The following SAA2 variants were observed in gnomAD, a reference collection of about 807,000 sequenced individuals.
SAA2 encodes serum amyloid A2.
In SAA2, 5 loss-of-function variants were observed where a neutral mutation model predicts 9.1. The ratio of observed to expected loss-of-function variants is 0.55; its 90% confidence interval spans 0.29 to 1.16. The LOEUF (loss-of-function observed/expected upper bound fraction) is 1.16. Ranked by LOEUF, SAA2 falls within the 50% of genes most tolerant of loss-of-function variation. The probability of loss-of-function intolerance (pLI) is 0.09; values close to 1 mark genes in which losing one functional copy is unlikely to be tolerated. For synonymous variants in SAA2, 49 were observed against 59.8 expected, an observed-to-expected ratio of 0.82 and a Z score of 0.83; for missense variants, 94 against 153.8, an observed-to-expected ratio of 0.61 and a Z score of 2.06.
Position 18,245,264 on chromosome 11 carries a change from A to T in SAA2, c.*113T>A. 1 of 1,521,586 alleles carries T rather than the reference A, an allele frequency of 6.6e-7. No homozygotes were observed. The highest frequency in any genetic ancestry group is 8.8e-7 in the Non-Finnish European group (1 of 1,134,246). The allele number at this position is 1,521,586 out of a possible 1,614,324, so 94.3% of individuals were successfully genotyped here. On this transcript the variant is annotated 3_prime_UTR_variant, in exon 4 of 4. Transcript: ENST00000256733. ...ATTCCACCTCTTAAGCATTTATTAGATGCCTATTATATGCCATATCTCAGC... is the reference window on the plus strand; with the variant it reads ...ATTCCACCTCTTAAGCATTTATTAGTTGCCTATTATATGCCATATCTCAGC...
Position 18,247,914 on chromosome 11 carries a change from G to A in SAA2, c.91+7C>T, listed in dbSNP as rs1322375081. 3 of 1,613,798 alleles carry A rather than the reference G, an allele frequency of 1.9e-6. No individual in the cohort carries two copies. Among genetic ancestry groups the A allele is most frequent in the African/African-American group, 1.3e-5 (1 of 74,890 alleles). On this transcript the variant is annotated splice_region_variant and intron_variant, in intron 2 of 3. Coordinates refer to ENST00000256733, the MANE Select transcript of SAA2 (RefSeq NM_030754.5). ...TCAGAAATCCTGCAAACCTTCTGAA[G>A]CCTTACCATCAAAAGCCTCGCCAAG...
At chr11:18,242,865 A>C, downstream of SAA2, 1 of 699,522 alleles carries the variant, frequency 1.4e-6, no homozygotes, top group Non-Finnish European at 2.6e-6. Context: ...AAACAAAACA[A>C]AACACAACTA....
chr11:18,240,570 A>G (rs1857319026), downstream of SAA2, among the ~76,000 whole-genome samples: 1 of 152,156 alleles, frequency 6.6e-6, no homozygotes, highest in Non-Finnish European at 1.5e-5. Context: ...CAAAAATAAA[A>G]CCCCATACAT....
downstream of SAA2, among the ~76,000 whole-genome samples, chr11:18,244,536 A>T (rs948045075): frequency 6.6e-6 from 1 of 152,216 alleles, no homozygotes; most frequent in Non-Finnish European, 1.5e-5. Context: ...TTAGAAGTTA[A>T]TGCTGCTCTC....
exon 4 of SAA2, chr11:18,239,446 G>A (rs1857281138): frequency 5.5e-6 from 2 of 362,838 alleles, no homozygotes; most frequent in Non-Finnish European, 9.8e-6. Flanking sequence ...CTTGTCTGTG[G>A]TGTTTTGATT....
Position 18,245,437 on chromosome 11 carries a change from C to A in SAA2, c.309G>T (p.Trp103Cys). ...GATTGGGGTCTCTGCCACTCCTGCC[C>A]CATTTATTGGCAGCCTGATCGGCCA... Reference protein sequence around the residue: ...DSLADQAANKWGRSGRDPNHF... With the variant: ...DSLADQAANKCGRSGRDPNHF... The change falls in exon 4 of 4, where the codon TGG becomes TGT. Residue 103 changes from tryptophan (W) to cysteine (C), a missense_variant. By Grantham distance (215) the Trp-to-Cys change is radical (BLOSUM62 -2). Transcript: ENST00000256733. 1.2e-6 allele frequency: 2 copies of A among 1,614,226 alleles called. No individual in the cohort carries two copies. Among genetic ancestry groups the A allele is most frequent in the Middle Eastern group, 3.3e-4 (2 of 6,062 alleles).
chr11:18,245,397 C>T lies in SAA2; in HGVS notation c.349G>A (p.Gly117Ser), dbSNP rs11540206. 4 of 1,614,120 alleles carry T rather than the reference C, an allele frequency of 2.5e-6. No homozygotes were observed. The highest frequency in any genetic ancestry group is 3.4e-6 in the Non-Finnish European group (4 of 1,180,052). ...GRDPNHFRPA[G>S]LPEKY ...GAAGCTCAGTATTTCTCAGGCAGGC[C>T]AGCAGGTCGGAAGTGATTGGGGTCT... is the stretch of plus-strand genomic sequence containing the variant. The change falls in exon 4 of 4, where the codon GGC (glycine) becomes AGC (serine). Residue 117 changes from glycine (G) to serine (S), a missense_variant. Physicochemically the swap from Gly to Ser is moderately conservative, Grantham distance 56. Transcript: ENST00000256733.
At chr11:18,246,413 G>A (rs1857538388) in intron 2 of SAA2, among the ~76,000 whole-genome samples, 1 of 152,226 alleles carries the variant, frequency 6.6e-6, no homozygotes, top group Non-Finnish European at 1.5e-5. Flanking sequence ...TGTGACCTGA[G>A]TTCCAGTGAC....
Position 18,248,656 on chromosome 11 carries a change from T to C in SAA2, c.-58A>G, listed in dbSNP as rs1857685262. The stretch of plus-strand genomic sequence containing the variant: ...TCCCTGTCTGCCAGGGAGAGGTGGC[T>C]GCTATTTATAGTGAGCCTTGCTGGT... On this transcript the variant is annotated 5_prime_UTR_variant, in exon 1 of 4. Transcript: ENST00000256733. 6.5e-6 allele frequency: 1 copy of C among 153,278 alleles called. No homozygotes were observed. The highest frequency in any genetic ancestry group is 2.4e-5 in the African/African-American group (1 of 41,472). 9.5% of individuals were successfully genotyped at this position (153,278 alleles called of 1,614,324 possible).
rs771574077 is a variant in SAA2 at position 18,245,431 on chromosome 11, C to G, written c.315G>C (p.Arg105Ser). 1 of 1,614,248 alleles carries G rather than the reference C, an allele frequency of 6.2e-7. No homozygotes were observed. The highest frequency in any genetic ancestry group is 8.5e-7 in the Non-Finnish European group (1 of 1,180,048). Reference sequence around the variant, plus strand: ...GGAAGTGATTGGGGTCTCTGCCACTCCTGCCCCATTTATTGGCAGCCTGAT... The same window carrying G: ...GGAAGTGATTGGGGTCTCTGCCACTGCTGCCCCATTTATTGGCAGCCTGAT... The part of the protein sequence containing the change: ...LADQAANKWG[R>S]SGRDPNHFRP... Residue 105 changes from arginine to serine, a missense_variant, in exon 4 of 4, where the codon AGG becomes AGC. Arg to Ser is a moderately radical substitution (Grantham distance 110). This residue lies in a region of SAA2 where 62 missense variants were observed against 58.3 expected (regional missense o/e 1.06). Transcript: ENST00000256733.
Position 18,248,148 on chromosome 11 carries a change from T to C in SAA2, c.-4-133A>G, listed in dbSNP as rs1857659486. On this transcript the variant is annotated intron_variant, in intron 1 of 3. Transcript: ENST00000256733. ...TCTCAGTGGCTCATCTAGGAAACCT[T>C]GCAGCAGGACCTCACTCAGAGCCAG... 4 of 949,358 alleles carry C rather than the reference T, an allele frequency of 4.2e-6. No individual in the cohort carries two copies. In the East Asian group the frequency reaches 1.1e-4, roughly 26 times the overall value. 58.8% of individuals were successfully genotyped at this position (949,358 alleles called of 1,614,324 possible).
chr11:18,242,604 G>A (rs559547442), downstream of SAA2: 121 of 559,634 alleles, frequency 2.2e-4, 1 homozygote, highest in African/African-American at 2.2e-3. Context: ...CCAGCACTTT[G>A]GGAGGCTGAG....
chr11:18,248,297 C>A (rs898308140), intron 1 of SAA2: 4 of 350,118 alleles, frequency 1.1e-5, no homozygotes, highest in African/African-American at 8.3e-5. Flanking sequence ...GCCTATAATT[C>A]CCCATAACGC....
intron 2 of SAA2, 54 bp from the exon 3 acceptor site, chr11:18,246,102 C>T (rs1266115241): frequency 1.3e-6 from 2 of 1,564,400 alleles, no homozygotes; most frequent in African/African-American, 2.7e-5. Context: ...AAGACTCCAA[C>T]AACACCTTAG....
downstream of SAA2, among the ~76,000 whole-genome samples, chr11:18,244,037 T>C (rs188374775): frequency 1.5e-3 from 232 of 152,350 alleles, 6 homozygotes; most frequent in Admixed American, 0.015. Flanking sequence ...TCTTCTCCTG[T>C]ACAGGACAAC....
chr11:18,239,718 C>T (rs1857288518), exon 4 of SAA2: 1 of 463,098 alleles, frequency 2.2e-6, no homozygotes, highest in Non-Finnish European at 3.8e-6. Flanking sequence ...GTCTGTTTTG[C>T]TGTATCCAGC....
Position 18,245,438 on chromosome 11 carries a change from C to A in SAA2, c.308G>T (p.Trp103Leu), listed in dbSNP as rs775863881. 6.2e-7 allele frequency: 1 copy of A among 1,614,222 alleles called. No homozygotes were observed. The highest frequency in any genetic ancestry group is 1.1e-5 in the South Asian group (1 of 91,084). Residue 103 changes from tryptophan (W) to leucine (L), a missense_variant, in exon 4 of 4, where the codon TGG becomes TTG. Physicochemically the swap from Trp to Leu is moderately conservative, Grantham distance 61. Around this residue, in one of 2 missense-constraint regions of SAA2, gnomAD observed 62 missense variants for 58.3 expected, o/e 1.06. Transcript: ENST00000256733. ...ATTGGGGTCTCTGCCACTCCTGCCCCATTTATTGGCAGCCTGATCGGCCAG... is the reference window on the plus strand; with the variant it reads ...ATTGGGGTCTCTGCCACTCCTGCCCAATTTATTGGCAGCCTGATCGGCCAG... Reference protein sequence around the residue: ...DSLADQAANKWGRSGRDPNHF... With the variant: ...DSLADQAANKLGRSGRDPNHF...
exon 4 of SAA2, chr11:18,239,448 G>A (rs1210718647): frequency 2.7e-6 from 1 of 364,560 alleles, no homozygotes; most frequent in Non-Finnish European, 4.9e-6. Context: ...TGTCTGTGGT[G>A]TTTTGATTGA....
rs201754054 is a variant in SAA2 at position 18,245,418 on chromosome 11, G to T, written c.328C>A (p.Pro110Thr). 4.3e-6 allele frequency: 7 copies of T among 1,614,224 alleles called. No homozygotes were observed. The Admixed American group carries it at 8.3e-5, about 19-fold the overall frequency. The change falls in exon 4 of 4, where the codon CCC becomes ACC. Residue 110 changes from proline to threonine, a missense_variant. Pro to Thr is a conservative substitution (Grantham distance 38). This residue lies in a region of SAA2 where 62 missense variants were observed against 58.3 expected (regional missense o/e 1.06). Transcript: ENST00000256733. The part of the protein sequence containing the change: ...ANKWGRSGRD[P>T]NHFRPAGLPE... Reference sequence around the variant, plus strand: ...AGGCCAGCAGGTCGGAAGTGATTGGGGTCTCTGCCACTCCTGCCCCATTTA... The same window carrying T: ...AGGCCAGCAGGTCGGAAGTGATTGGTGTCTCTGCCACTCCTGCCCCATTTA...
Sources: gnomAD v4.1 joint callset for allele counts (sites outside exome capture counted in the v4.1 genomes callset) on GRCh38, gnomAD v4.1.1 for gene constraint, gnomAD v4.1.1 regional missense constraint, MANE v1.5 for transcripts, NCBI Gene and HGNC (gene_info 2026-07-23, HGNC 2026-07-21) for gene names.